MUC21: variants seen among roughly 807,000 people sequenced by gnomAD.
The protein encoded by MUC21 is mucin-21.
Under a neutral mutation model 9.1 loss-of-function variants are expected in MUC21, and 8 were observed. The ratio of observed to expected loss-of-function variants is 0.88; its 90% CI spans 0.52 to 1.59. MUC21 has a LOEUF of 1.59. MUC21 is among the 40% of genes most tolerant of loss of function. MUC21 has a pLI of 0.00. For missense variants in MUC21, 478 were observed against 694.2 expected, an observed-to-expected ratio of 0.69 and a Z score of 3.50; for synonymous variants, 189 against 275.2, an observed-to-expected ratio of 0.69 and a Z score of 3.10.
intron 1 of MUC21, among the ~76,000 whole-genome samples, chr6:30,985,876 G>T (rs908731737): frequency 6.6e-6 from 1 of 152,154 alleles, no homozygotes; most frequent in African/African-American, 2.4e-5. Flanking sequence ...TGCCTCCCGG[G>T]TTCAAGTGAT....
Position 30,987,583 on chromosome 6 carries a change from A to T in MUC21, c.1408A>T (p.Lys470Ter). The T allele has an allele frequency of 6.2e-7, 1 of 1,614,162 alleles. No individual in the cohort carries two copies. The highest frequency in any genetic ancestry group is 8.5e-7 in the Non-Finnish European group (1 of 1,179,988). Residue 470 changes from lysine (K) to a stop codon, truncating the protein, a stop_gained, in exon 2 of 3, where the codon AAG (lysine) becomes TAG (stop). Transcript: ENST00000376296. LOFTEE classifies it high-confidence loss of function. Reference sequence around the variant, plus strand: ...TGCATCTACTGCAGTGAGTGAGGCGAAGCCTGGTGGGTCCCTGGTGCCGTG... The same window carrying T: ...TGCATCTACTGCAGTGAGTGAGGCGTAGCCTGGTGGGTCCCTGGTGCCGTG... ...HSASTAVSEA[K>*]PGGSLVPWEI... is the part of the protein sequence containing the mutation.
intron 1 of MUC21, among the ~76,000 whole-genome samples, chr6:30,985,152 A>G (rs1762197302): frequency 6.6e-6 from 1 of 152,134 alleles, no homozygotes; most frequent in African/African-American, 2.4e-5. Context: ...CTTCTGGGAA[A>G]TCAAGGGCAA....
chr6:30,987,030 C>T lies in MUC21; in HGVS notation c.855C>T (p.Val285=). 1 of 1,605,966 alleles carries T rather than the reference C, an allele frequency of 6.2e-7. No homozygotes were observed. Among genetic ancestry groups the T allele is most frequent in the Non-Finnish European group, 8.5e-7 (1 of 1,174,704 alleles). ...SSTVSSGIST[V]TNSESSTPSS... is the part of the protein sequence containing the mutation. The stretch of plus-strand genomic sequence containing the variant: ...CAGTGTCCAGTGGGATCAGCACAGT[C>T]ACCAATTCTGAGTCCAGCACACCCT... Residue 285 remains valine (V), a synonymous_variant, in exon 2 of 3, where the codon GTC becomes GTT. Coordinates refer to ENST00000376296, the MANE Select transcript of MUC21 (RefSeq NM_001010909.5).
intron 1 of MUC21, among the ~76,000 whole-genome samples, chr6:30,984,564 G>T (rs182529145): frequency 1.4e-4 from 21 of 152,294 alleles, no homozygotes; most frequent in African/African-American, 4.3e-4. Context: ...CAGCTACTCA[G>T]GAGGCTGAGG....
chr6:30,986,741 C>T lies in MUC21; in HGVS notation c.566C>T (p.Ser189Phe). The T allele has an allele frequency of 6.3e-7, 1 of 1,578,064 alleles. No homozygotes were observed. Among genetic ancestry groups the T allele is most frequent in the Non-Finnish European group, 8.6e-7 (1 of 1,158,438 alleles). ...TATNSESSTV[S>F]SRASTATNSE... ...ACCAACTCTGAGTCCAGCACAGTGT[C>T]CAGTAGGGCCAGCACTGCCACCAAC... Residue 189 changes from serine (S) to phenylalanine (F), a missense_variant, in exon 2 of 3, where the codon TCC (serine) becomes TTC (phenylalanine). Ser to Phe is a radical substitution (Grantham distance 155, BLOSUM62 -2). Around this residue, in one of 5 missense-constraint regions of MUC21, gnomAD observed 53 missense variants for 139.1 expected, o/e 0.38. Transcript: ENST00000376296.
At position 30,986,323 on chromosome 6, in the gene MUC21, T is replaced by G; in HGVS notation, c.148T>G (p.Ser50Ala). 1 of 1,613,510 alleles carries G rather than the reference T, an allele frequency of 6.2e-7. No individual in the cohort carries two copies. The highest frequency in any genetic ancestry group is 8.5e-7 in the Non-Finnish European group (1 of 1,179,680). The change falls in exon 2 of 3, where the codon TCC (serine) becomes GCC (alanine). Residue 50 changes from serine to alanine, a missense_variant. Physicochemically the swap from Ser to Ala is moderately conservative, Grantham distance 99. Coordinates refer to ENST00000376296, the MANE Select transcript of MUC21 (RefSeq NM_001010909.5). ...SGASTATNSGSSVTSSGVSTA... is the reference protein window; with the variant it reads ...SGASTATNSGASVTSSGVSTA... ...AGCCAGCACAGCCACCAACTCTGGGTCCAGTGTGACCTCCAGTGGGGTCAG... is the reference window on the plus strand; with the variant it reads ...AGCCAGCACAGCCACCAACTCTGGGGCCAGTGTGACCTCCAGTGGGGTCAG...
Position 30,986,537 on chromosome 6 carries a change from C to T in MUC21, c.362C>T (p.Thr121Ile). The part of the protein sequence containing the change: ...STTSSGASTA[T>I]NSESSTPSSG... The stretch of plus-strand genomic sequence containing the variant: ...ACCTCCAGTGGGGCCAGCACAGCCA[C>T]CAACTCTGAGTCCAGCACACCCTCC... The change falls in exon 2 of 3, where the codon ACC becomes ATC. Residue 121 changes from threonine (T) to isoleucine (I), a missense_variant. Transcript: ENST00000376296. The T allele has an allele frequency of 6.3e-7, 1 of 1,582,720 alleles. No homozygotes were observed. The highest frequency in any genetic ancestry group is 8.6e-7 in the Non-Finnish European group (1 of 1,162,236).
rs1762501002 is a variant in MUC21 at position 30,988,783 on chromosome 6, TGGGGGGGGAG to T, written c.*595_*604del. The T allele has an allele frequency of 1.5e-4, 1 of 6,812 alleles. No individual in the cohort carries two copies. The highest frequency in any genetic ancestry group is 1.7e-3 in the Admixed American group (1 of 604). 0.4% of individuals were successfully genotyped at this position (6,812 alleles called of 1,614,324 possible). On this transcript the variant is annotated 3_prime_UTR_variant, in exon 3 of 3. Transcript: ENST00000376296. ...GCGTTACAACTACCTGCTCTGTGTGTGGGGGGGGAGGGGGGAGGGGGGTACGCATATTCAC... is the reference window on the plus strand; with the variant it reads ...GCGTTACAACTACCTGCTCTGTGTGTGGGGGAGGGGGGTACGCATATTCAC...
intron 1 of MUC21, among the ~76,000 whole-genome samples, chr6:30,985,301 C>T (rs1410632148): frequency 1.3e-5 from 2 of 152,194 alleles, no homozygotes; most frequent in East Asian, 3.8e-4. Context: ...CTTCTCTAGC[C>T]TTGGCCATAG....
At position 30,986,568 on chromosome 6, in the gene MUC21, G is replaced by C; in HGVS notation, c.393G>C (p.Gly131=). ...CTGAGTCCAGCACACCCTCCAGTGG[G>C]GCCAGCACAGCCACCAACTCTGACT... ...TNSESSTPSS[G]ASTATNSDSS... The change falls in exon 2 of 3, where the codon GGG becomes GGC. Residue 131 remains glycine (G), a synonymous_variant. Transcript: ENST00000376296. The C allele has an allele frequency of 1.3e-6, 2 of 1,574,530 alleles. No individual in the cohort carries two copies. Among genetic ancestry groups the C allele is most frequent in the Non-Finnish European group, 1.7e-6 (2 of 1,158,044 alleles).
In MUC21 at chr6:30,987,369, C is replaced by T. The variant is rs1762413790; in HGVS notation, c.1194C>T (p.Thr398=). The T allele has an allele frequency of 1.9e-6, 3 of 1,596,246 alleles. No homozygotes were observed. Among genetic ancestry groups the T allele is most frequent in the Non-Finnish European group, 2.6e-6 (3 of 1,170,728 alleles). The change falls in exon 2 of 3, where the codon ACC becomes ACT. Residue 398 remains threonine, a synonymous_variant. Coordinates refer to ENST00000376296, the MANE Select transcript of MUC21 (RefSeq NM_001010909.5). ...CCACCACCTCTGAGTCCAGCACGACCTCCAGTGGGGCCAGCACAGCCACCA... is the reference window on the plus strand; with the variant it reads ...CCACCACCTCTGAGTCCAGCACGACTTCCAGTGGGGCCAGCACAGCCACCA... ...STATTSESST[T]SSGASTATNS...
chr6:30,985,534 T>C (rs1762211271), intron 1 of MUC21, among the ~76,000 whole-genome samples: 1 of 152,226 alleles, frequency 6.6e-6, no homozygotes, highest in South Asian at 2.1e-4. Context: ...AAGAAAAAAA[T>C]TGATCAGTAT....
At chr6:30,987,896 T>G in intron 2 of MUC21, 104 bp from the exon 3 acceptor site, 1 of 1,055,832 alleles carries the variant, frequency 9.5e-7, no homozygotes, top group Non-Finnish European at 1.4e-6. Flanking sequence ...GAGAACTAGG[T>G]AAAGAGTGTG....
At position 30,983,746 on chromosome 6, in the gene MUC21, G is replaced by T. The variant is rs111994221; in HGVS notation, c.-213G>T. 1,045 of 479,328 alleles carry T rather than the reference G, an allele frequency of 2.2e-3. 8 individuals are homozygous for T. The highest frequency in any genetic ancestry group is 2.0e-3 in the Non-Finnish European group (533 of 273,146). 29.7% of individuals were successfully genotyped at this position (479,328 alleles called of 1,614,324 possible). ...GAAAGAGGCAACTACATTGCCTGGAGGAAGCCTAAGGAACCCAGGCATCCA... is the reference window on the plus strand; with the variant it reads ...GAAAGAGGCAACTACATTGCCTGGATGAAGCCTAAGGAACCCAGGCATCCA... On this transcript the variant is annotated 5_prime_UTR_variant, in exon 1 of 3. In the 5' UTR this introduces an upstream ATG that the reference lacks. Coordinates refer to ENST00000376296, the MANE Select transcript of MUC21 (RefSeq NM_001010909.5).
chr6:30,988,656 G>T lies in MUC21; in HGVS notation c.*462G>T, dbSNP rs966135492. 6.3e-6 allele frequency: 1 copy of T among 158,176 alleles called. No homozygotes were observed. The highest frequency in any genetic ancestry group is 1.4e-5 in the Non-Finnish European group (1 of 72,622). The allele number at this position is 158,176 out of a possible 1,614,324, so 9.8% of individuals were successfully genotyped here. On this transcript the variant is annotated 3_prime_UTR_variant, in exon 3 of 3. Transcript: ENST00000376296. The stretch of plus-strand genomic sequence containing the variant: ...AGAATTGACTTGGGAGAGATAAGGA[G>T]GGAGGGCGGGTGCCAGCATGCTATG...
At chr6:30,986,204 C>T (rs561263804) in intron 1 of MUC21, 33 bp from the exon 2 acceptor site, 1 of 1,552,230 alleles carries the variant, frequency 6.4e-7, no homozygotes, top group Non-Finnish European at 8.8e-7. Flanking sequence ...TATATACACA[C>T]AATATATATT....
In MUC21 at chr6:30,987,996, T is replaced by A. The variant is rs1188520168; in HGVS notation, c.1507-4T>A. The A allele has an allele frequency of 8.8e-7, 1 of 1,136,038 alleles. No individual in the cohort carries two copies. The highest frequency in any genetic ancestry group is 2.3e-5 in the East Asian group (1 of 42,754). 70.4% of individuals were successfully genotyped at this position (1,136,038 alleles called of 1,614,324 possible). A position where few individuals can be genotyped will look rare whatever the true frequency, so the allele number is the denominator to read the frequency against. On this transcript the variant is annotated splice_polypyrimidine_tract_variant and splice_region_variant and intron_variant, in intron 2 of 2. Transcript: ENST00000376296. Reference sequence around the variant, plus strand: ...TCTGAAACTATTGACTCTTCTTTTTTTAGAGAAACAGCCTGTCCCTGAGAA... The same window carrying A: ...TCTGAAACTATTGACTCTTCTTTTTATAGAGAAACAGCCTGTCCCTGAGAA...
In MUC21 at chr6:30,989,328, C is replaced by G. The variant is rs1762528044; in HGVS notation, c.*1134C>G. The G allele has an allele frequency of 6.6e-6, 1 of 152,132 alleles. No homozygotes were observed. The highest frequency in any genetic ancestry group is 2.1e-4 in the South Asian group (1 of 4,824). The allele number at this position is 152,132 out of a possible 1,614,324, so 9.4% of individuals were successfully genotyped here. A position where few individuals can be genotyped will look rare whatever the true frequency, so the allele number is the denominator to read the frequency against. On this transcript the variant is annotated 3_prime_UTR_variant, in exon 3 of 3. Coordinates refer to ENST00000376296, the MANE Select transcript of MUC21 (RefSeq NM_001010909.5). The stretch of plus-strand genomic sequence containing the variant: ...AGAGTGATACCATCTTGAAGTGAAA[C>G]CACCACAATGGCCATTTTTTTTTTA...
At chr6:30,984,980 C>CAAAT (rs992785211) in intron 1 of MUC21, among the ~76,000 whole-genome samples, 1 of 122,162 alleles carries the variant, frequency 8.2e-6, no homozygotes, top group African/African-American at 3.3e-5. Flanking sequence ...GTCTCAAAAA[C>CAAAT]AAATAAATAA....
Sources: gnomAD v4.1 joint callset for allele counts (sites outside exome capture counted in the v4.1 genomes callset) on GRCh38, gnomAD v4.1.1 for gene constraint, gnomAD v4.1.1 regional missense constraint, MANE v1.5 for transcripts, NCBI Gene and HGNC (gene_info 2026-07-23, HGNC 2026-07-21) for gene names.